Variants in PFKFB3 observed in about 807,000 individuals in gnomAD.
The protein encoded by PFKFB3 is 6-phosphofructo-2-kinase/fructose-2,6-biphosphatase 3, also known as 6-phosphofructo-2-kinase/fructose-2,6-bisphosphatase 3.
Under a neutral mutation model 68.0 loss-of-function variants are expected in PFKFB3, and 33 were observed. The ratio of observed to expected loss-of-function variants is 0.49; its 90% CI spans 0.37 to 0.65. The LOEUF (loss-of-function observed/expected upper bound fraction) is 0.65. PFKFB3 is among the 30% of genes least tolerant of loss of function. PFKFB3 has a pLI of 0.00. For synonymous variants in PFKFB3, 315 were observed against 288.2 expected, an observed-to-expected ratio of 1.09 and a Z score of -0.94; for missense variants, 586 against 712.2, an observed-to-expected ratio of 0.82 and a Z score of 2.02.
At chr10:6,177,448 CTT>C (rs1304819439) in intron 1 of PFKFB3, among the ~76,000 whole-genome samples, 2 of 113,298 alleles carry the variant, frequency 1.8e-5, no homozygotes, top group East Asian at 5.9e-4. Context: ...CTCTTTCTTT[CTT>C]TCTTTCTTTC....
At chr10:6,313,822 G>A in the PFKFB3 span, among the ~76,000 whole-genome samples, 1 of 152,162 alleles carries the variant, frequency 6.6e-6, no homozygotes, top group Non-Finnish European at 1.5e-5. This position sits in a 1 kb window ranked among gnomAD's most constrained non-coding sequence, Gnocchi z 4.2. Flanking sequence ...TATTAAATTA[G>A]GCTTGGCTTG....
chr10:6,197,633 T>A, intron 1 of PFKFB3: 1 of 152,194 alleles, frequency 6.6e-6, no homozygotes, highest in East Asian at 1.9e-4. Context: ...CTTTTATTTT[T>A]TTTTTAAGGA....
At chr10:6,324,649 C>T in the PFKFB3 span, among the ~76,000 whole-genome samples, 4 of 151,974 alleles carry the variant, frequency 2.6e-5, no homozygotes, top group South Asian at 2.1e-4. Flanking sequence ...AGGCTGGTCT[C>T]GAACTCCCGA....
At chr10:6,289,193 A>G in the PFKFB3 span, among the ~76,000 whole-genome samples, 19 of 134,030 alleles carry the variant, frequency 1.4e-4, no homozygotes, top group African/African-American at 5.2e-4. Flanking sequence ...TGCTGTGCAG[A>G]AGCTCTTTAG....
the PFKFB3 span, among the ~76,000 whole-genome samples, chr10:6,267,032 G>A: frequency 6.6e-6 from 1 of 152,206 alleles, no homozygotes; most frequent in Admixed American, 6.5e-5. Flanking sequence ...CTCTTGTCAT[G>A]TTGTTTTTTA....
intron 1 of PFKFB3, among the ~76,000 whole-genome samples, chr10:6,155,669 T>A (rs73612094): frequency 0.06 from 9,123 of 152,228 alleles, 327 homozygotes; most frequent in Non-Finnish European, 0.076. Context: ...AGGCACCTGC[T>A]GACCGGGTTC....
In PFKFB3 at chr10:6,220,436, TC is replaced by T. The variant is rs1410602802; in HGVS notation, c.624-217del. 6.6e-6 allele frequency among the ~76,000 whole-genome samples: 1 copy of T among 152,060 alleles called. No homozygotes were observed. The highest frequency in any genetic ancestry group is 1.5e-5 in the Non-Finnish European group (1 of 68,000). On this transcript the variant is annotated intron_variant, in intron 7 of 14. Transcript: ENST00000379775. The surrounding 1 kb of genome is among the most constrained non-coding windows in gnomAD (Gnocchi z 4.1). ...TTTTCTCCATTTTCTTTCTTTTTTC[TC>T]CCCCTTTTCTGGGAGGCAGGCCAGC...
chr10:6,166,102 C>T (rs1041330121), intron 1 of PFKFB3, among the ~76,000 whole-genome samples: 2 of 151,994 alleles, frequency 1.3e-5, no homozygotes, highest in African/African-American at 2.4e-5. Flanking sequence ...GCTTCAGCCT[C>T]CCCAGTAGCT....
At chr10:6,188,886 G>C (rs892830982) in intron 1 of PFKFB3, among the ~76,000 whole-genome samples, 5 of 144,180 alleles carry the variant, frequency 3.5e-5, no homozygotes, top group African/African-American at 5.2e-5. Flanking sequence ...CCAGGCTGGA[G>C]TGCAGTGGCG....
chr10:6,212,626 C>T (rs1844304805), intron 1 of PFKFB3, among the ~76,000 whole-genome samples: 1 of 152,088 alleles, frequency 6.6e-6, no homozygotes, highest in Non-Finnish European at 1.5e-5. Flanking sequence ...GCCTCCCTGA[C>T]CTACTTTCAT....
At chr10:6,270,223 G>A in the PFKFB3 span, among the ~76,000 whole-genome samples, 1 of 152,160 alleles carries the variant, frequency 6.6e-6, no homozygotes, top group African/African-American at 2.4e-5. Context: ...CAAGAATTCT[G>A]TGCTCTACTT....
chr10:6,190,281 G>C (rs765051054), intron 1 of PFKFB3, among the ~76,000 whole-genome samples: 4 of 152,168 alleles, frequency 2.6e-5, no homozygotes, highest in Admixed American at 1.3e-4. Flanking sequence ...CCACCCACTC[G>C]GTGATTCTTG....
At chr10:6,305,005 A>ATT in the PFKFB3 span, among the ~76,000 whole-genome samples, 1,530 of 14,518 alleles carry the variant, frequency 0.11, 636 homozygotes, top group Non-Finnish European at 0.18. Flanking sequence ...AATATTAGGA[A>ATT]TTTTTTTTTT....
intron 1 of PFKFB3, among the ~76,000 whole-genome samples, chr10:6,161,415 G>T (rs1376454303): frequency 1.3e-5 from 2 of 152,040 alleles, no homozygotes; most frequent in Non-Finnish European, 2.9e-5. Flanking sequence ...GTTATCTGTG[G>T]AGGGATCCTT....
chr10:6,306,892 G>GT, the PFKFB3 span, among the ~76,000 whole-genome samples: 1 of 152,186 alleles, frequency 6.6e-6, no homozygotes, highest in Non-Finnish European at 1.5e-5. Flanking sequence ...TTAGTTTTAC[G>GT]TATTAACTTC....
At chr10:6,211,327 C>A (rs947033648) in intron 1 of PFKFB3, among the ~76,000 whole-genome samples, 1 of 152,174 alleles carries the variant, frequency 6.6e-6, no homozygotes, top group Non-Finnish European at 1.5e-5. Context: ...GCTTCCTTGG[C>A]GTGGTTCCGA....
chr10:6,213,355 A>G (rs1334873145), intron 1 of PFKFB3, among the ~76,000 whole-genome samples: 1 of 152,190 alleles, frequency 6.6e-6, no homozygotes, highest in Non-Finnish European at 1.5e-5. Context: ...CCCCATCTCT[A>G]CAAAGATAAA....
chr10:6,215,469 G>A lies in PFKFB3; in HGVS notation c.299+152G>A, dbSNP rs1588499473. 6 of 671,588 alleles carry A rather than the reference G, an allele frequency of 8.9e-6. No individual in the cohort carries two copies. The East Asian group carries it at 1.7e-4, about 19-fold the overall frequency. The allele number at this position is 671,588 out of a possible 1,614,324, so 41.6% of individuals were successfully genotyped here. ...TGCGGGGCTGCGGGTGTAAGGCTGG[G>A]CTGCGGGCTTGGGCTTGCTTTGTTC... On this transcript the variant is annotated intron_variant, in intron 3 of 14. Transcript: ENST00000379775. The surrounding 1 kb of genome is among the most constrained non-coding windows in gnomAD (Gnocchi z 4.3).
chr10:6,237,123 T>C (rs184932748), downstream of PFKFB3, among the ~76,000 whole-genome samples: 1 of 152,348 alleles, frequency 6.6e-6, no homozygotes, highest in Admixed American at 6.5e-5. Flanking sequence ...TCCCCAGCTA[T>C]CCGGGGTTCT....
Sources: gnomAD v4.1 joint callset for allele counts (sites outside exome capture counted in the v4.1 genomes callset) on GRCh38, gnomAD v4.1.1 for gene constraint, Gnocchi (gnomAD v3.1) non-coding constraint, MANE v1.5 for transcripts, NCBI Gene and HGNC (gene_info 2026-07-23, HGNC 2026-07-21) for gene names.